P4HA3: variants seen among roughly 807,000 people sequenced by gnomAD.
The protein encoded by P4HA3 is prolyl 4-hydroxylase subunit alpha-3.
P4HA3 carries 60 observed loss-of-function variants against 66.7 expected under a neutral mutation model. The ratio of observed to expected loss-of-function variants is 0.90; its 90% CI spans 0.73 to 1.12. P4HA3 has a LOEUF of 1.12. Ranked by LOEUF, P4HA3 falls within the 50% of genes most tolerant of loss-of-function variation. The pLI is 0.00. For missense variants in P4HA3, 683 were observed against 685.8 expected (o/e 1.00, Z 0.05); for synonymous variants, 263 against 274.6 (o/e 0.96, Z 0.42).
chr11:74,263,862 G>A (rs1859948483), downstream of P4HA3, among the ~76,000 whole-genome samples: 1 of 152,174 alleles, frequency 6.6e-6, no homozygotes, highest in Non-Finnish European at 1.5e-5. Context: ...TGTGGCTCAT[G>A]CCTGTAATCC....
chr11:74,252,248 T>G lies in P4HA3; in HGVS notation c.*1319-4247A>C, dbSNP rs550045906. Among the ~76,000 whole-genome samples the G allele has an allele frequency of 5.8e-3, 859 of 148,388 alleles. 6 individuals are homozygous for G. Among genetic ancestry groups the G allele is most frequent in the South Asian group, 0.015 (72 of 4,780 alleles). On this transcript the variant is annotated intron_variant and NMD_transcript_variant, in intron 15 of 15. Coordinates refer to the P4HA3 transcript ENST00000524388. ...GTACCCGGCTAATTTTGTTTTTTTT[T>G]TTGTTTTTTTTTTTTTTTAGTAAAG...
At chr11:74,305,102 C>T (rs76008271) in intron 1 of P4HA3, among the ~76,000 whole-genome samples, 2,308 of 152,046 alleles carry the variant, frequency 0.015, 69 homozygotes, top group African/African-American at 0.053. Context: ...CTGGGGGGCC[C>T]GCCTCCTAAC....
chr11:74,310,726 C>G (rs1335344040), intron 1 of P4HA3, among the ~76,000 whole-genome samples: 1 of 152,108 alleles, frequency 6.6e-6, no homozygotes, highest in East Asian at 1.9e-4. Context: ...CATATAGCGA[C>G]CTGTACAGTT....
intron 15 of P4HA3, chr11:74,251,205 T>C: frequency 7.0e-7 from 1 of 1,427,012 alleles, no homozygotes; most frequent in African/African-American, 1.4e-5. Context: ...TTTGTGTATA[T>C]GTGCTGAGGA....
intron 12 of P4HA3, 45 bp downstream of exon 12, chr11:74,268,100 C>T (rs772546462): frequency 1.3e-6 from 2 of 1,547,700 alleles, no homozygotes; most frequent in Non-Finnish European, 1.8e-6. Flanking sequence ...TCACTCTACT[C>T]TGCACCCTGT....
chr11:74,273,411 T>C (rs1159172776), intron 10 of P4HA3, 134 bp downstream of exon 10: 2 of 731,392 alleles, frequency 2.7e-6, no homozygotes, highest in Non-Finnish European at 4.0e-6. Flanking sequence ...AAATGCTGTC[T>C]GAAATTCGCA....
chr11:74,303,333 C>T (rs1432877520), intron 2 of P4HA3, among the ~76,000 whole-genome samples: 10 of 143,848 alleles, frequency 7.0e-5, no homozygotes, highest in African/African-American at 1.8e-4. Flanking sequence ...CTTGCTCAGT[C>T]GCCCAGGCTA....
At position 74,267,332 on chromosome 11, in the gene P4HA3, G is replaced by A. The variant is rs200019248; in HGVS notation, c.1565-14C>T. On this transcript the variant is annotated splice_polypyrimidine_tract_variant and intron_variant, in intron 12 of 12. Coordinates refer to ENST00000331597, the MANE Select transcript of P4HA3 (RefSeq NM_182904.5). ...ACTTGTTGGCCACTGGGAGAGAACA[G>A]GGAAGAAGGAGACAGCAGGCTCAGC... The A allele has an allele frequency of 1.9e-5, 31 of 1,613,352 alleles. No homozygotes were observed. The highest frequency in any genetic ancestry group is 2.6e-5 in the Non-Finnish European group (31 of 1,179,558).
chr11:74,272,150 A>G (rs1860223713), intron 10 of P4HA3, among the ~76,000 whole-genome samples: 1 of 152,148 alleles, frequency 6.6e-6, no homozygotes, highest in African/African-American at 2.4e-5. Context: ...CTCTGTCTCA[A>G]ATACTTAAAA....
At chr11:74,259,950 A>C (rs1294786422) in exon 15 of P4HA3, 1 of 152,178 alleles carries the variant, frequency 6.6e-6, no homozygotes, top group African/African-American at 2.4e-5. Flanking sequence ...GGGTCAGATG[A>C]CAGTTCTATG....
At chr11:74,279,882 C>G (rs956864819) in intron 7 of P4HA3, among the ~76,000 whole-genome samples, 2 of 152,182 alleles carry the variant, frequency 1.3e-5, no homozygotes, top group Admixed American at 6.5e-5. Context: ...ATGAACACCT[C>G]CAGCAACAGG....
intron 15 of P4HA3, chr11:74,250,950 C>T (rs371935961): frequency 6.3e-7 from 1 of 1,595,924 alleles, no homozygotes; most frequent in South Asian, 1.1e-5. Flanking sequence ...TGATTCCTCT[C>T]CAGGGAAGTT....
intron 7 of P4HA3, among the ~76,000 whole-genome samples, chr11:74,283,987 C>T (rs1430822481): frequency 1.3e-5 from 2 of 152,162 alleles, no homozygotes; most frequent in East Asian, 3.9e-4. Flanking sequence ...AGGAAAGAAC[C>T]AATACTTCAT....
At chr11:74,296,934 CTTT>C (rs540922878) in intron 4 of P4HA3, among the ~76,000 whole-genome samples, 3 of 123,912 alleles carry the variant, frequency 2.4e-5, no homozygotes, top group Non-Finnish European at 5.0e-5. Flanking sequence ...TTCTTTTTTT[CTTT>C]TTTTTTTTTT....
chr11:74,305,468 C>A (rs571195094), intron 1 of P4HA3, among the ~76,000 whole-genome samples: 2 of 152,156 alleles, frequency 1.3e-5, no homozygotes, highest in South Asian at 4.2e-4. Flanking sequence ...TAGTAAAGGG[C>A]AAAGCCAGGA....
In P4HA3 at chr11:74,296,003, T is replaced by C. The variant is rs570130293; in HGVS notation, c.717+2209A>G. ...TTATATTTTACAAAGAACAAAGAGT[T>C]ACTTTCAGTGTCTCAGTTAAGTTTC... is the stretch of plus-strand genomic sequence containing the variant. On this transcript the variant is annotated intron_variant, in intron 4 of 12. Coordinates refer to ENST00000331597, the MANE Select transcript of P4HA3 (RefSeq NM_182904.5). Among the ~76,000 whole-genome samples the C allele has an allele frequency of 3.3e-5, 5 of 152,376 alleles. No homozygotes were observed. In the East Asian group the frequency reaches 9.6e-4, roughly 29 times the overall value.
intron 2 of P4HA3, among the ~76,000 whole-genome samples, chr11:74,302,813 C>T (rs564235660): frequency 2.9e-4 from 44 of 152,308 alleles, no homozygotes; most frequent in African/African-American, 9.9e-4. Flanking sequence ...AAAATTAAGG[C>T]ATACAGCTTC....
intron 11 of P4HA3, 112 bp downstream of exon 11, chr11:74,269,540 T>TCTTTTTGG (rs1860115017): frequency 9.0e-7 from 1 of 1,109,694 alleles, no homozygotes; most frequent in East Asian, 2.6e-5. Flanking sequence ...GGGGAAGACC[T>TCTTTTTGG]CTTTTTGGCC....
chr11:74,282,240 T>C (rs1860633299), intron 7 of P4HA3, among the ~76,000 whole-genome samples: 1 of 152,162 alleles, frequency 6.6e-6, no homozygotes, highest in Non-Finnish European at 1.5e-5. Flanking sequence ...TACCAGTCAC[T>C]CGTTTTTTGG....
Sources: allele counts gnomAD v4.1 joint callset (sites outside exome capture counted in the v4.1 genomes callset), GRCh38; gene constraint gnomAD v4.1.1; transcripts MANE v1.5; gene names NCBI Gene and HGNC (gene_info 2026-07-23, HGNC 2026-07-21).